The following CLVS1 variants were observed in gnomAD, a reference collection of about 807,000 sequenced individuals.
The protein encoded by CLVS1 is clavesin 1, also known as clavesin-1.
In CLVS1, 10 loss-of-function variants were observed where a neutral mutation model predicts 33.1. That is an observed-to-expected ratio of 0.30 (90% CI 0.19 to 0.51). The LOEUF (loss-of-function observed/expected upper bound fraction) is 0.51. CLVS1 is among the 20% of genes least tolerant of loss of function. CLVS1 has a pLI of 0.97. For missense variants in CLVS1, 343 were observed against 433.4 expected (o/e 0.79, Z 1.85); for synonymous variants, 163 against 166.1 (o/e 0.98, Z 0.14).
chr8:61,435,485 C>T (rs886420832), intron 3 of CLVS1, among the ~76,000 whole-genome samples: 6 of 152,074 alleles, frequency 3.9e-5, no homozygotes, highest in African/African-American at 1.2e-4. Flanking sequence ...ATTCCATAAA[C>T]ATTTGAACTT....
At chr8:61,461,350 T>C (rs1033226114) in intron 5 of CLVS1, among the ~76,000 whole-genome samples, 6 of 152,236 alleles carry the variant, frequency 3.9e-5, no homozygotes, top group Non-Finnish European at 8.8e-5. Context: ...ATTTGATGTT[T>C]GTTCTTGCTT....
chr8:61,068,670 AT>A (rs1804730988), intron 1 of CLVS1, among the ~76,000 whole-genome samples: 1 of 151,992 alleles, frequency 6.6e-6, no homozygotes, highest in South Asian at 2.1e-4. Flanking sequence ...GTCTTCTACA[AT>A]TTACCTACAC....
intron 2 of CLVS1, among the ~76,000 whole-genome samples, chr8:61,347,277 C>G (rs1812254183): frequency 6.6e-6 from 1 of 152,038 alleles, no homozygotes; most frequent in Non-Finnish European, 1.5e-5. Context: ...GGATTGCAAA[C>G]CTGAATTCAG....
chr8:61,464,137 A>G (rs996989914), intron 5 of CLVS1, among the ~76,000 whole-genome samples: 2 of 152,126 alleles, frequency 1.3e-5, no homozygotes, highest in South Asian at 2.1e-4. Flanking sequence ...ACCAAAATGT[A>G]ATACAGAGAC....
the CLVS1 span, among the ~76,000 whole-genome samples, chr8:61,043,903 C>A: frequency 1.3e-5 from 2 of 152,124 alleles, no homozygotes; most frequent in Non-Finnish European, 2.9e-5. Flanking sequence ...AAGTAAGTAA[C>A]AAGTACCTTA....
rs562691852 is a variant in CLVS1 at position 61,325,468 on chromosome 8, G to A, written c.455+25186G>A. Among the ~76,000 whole-genome samples the A allele has an allele frequency of 1.4e-4, 22 of 152,214 alleles. No homozygotes were observed. In the South Asian group the frequency reaches 3.7e-3, roughly 26 times the overall value. On this transcript the variant is annotated intron_variant, in intron 2 of 5. Transcript: ENST00000325897. ...CAGTCTATTTTGTTCCAAGCTATTA[G>A]TGTTTTTATCATTGTGACTCTCTTA...
rs1237212215 is a variant in CLVS1 at position 61,100,895 on chromosome 8, A to G, written c.-242-30875A>G. On this transcript the variant is annotated intron_variant, in intron 1 of 2. Coordinates refer to the CLVS1 transcript ENST00000522621. The stretch of plus-strand genomic sequence containing the variant: ...AAGGTTGATCCATGGTGTAGCATGT[A>G]TCAGTACTTCATTTTTTTTGGTATT... 5.9e-5 allele frequency among the ~76,000 whole-genome samples: 9 copies of G among 152,188 alleles called. No individual in the cohort carries two copies. The East Asian group carries it at 1.7e-3, about 29-fold the overall frequency.
chr8:61,059,933 C>T (rs956882879), intron 1 of CLVS1, among the ~76,000 whole-genome samples: 1 of 152,132 alleles, frequency 6.6e-6, no homozygotes, highest in Non-Finnish European at 1.5e-5. Context: ...TATGCTACTT[C>T]TGCCTTCAGT....
chr8:61,272,265 CT>C (rs1055929577), intron 2 of CLVS1, among the ~76,000 whole-genome samples: 19 of 152,046 alleles, frequency 1.2e-4, no homozygotes, highest in Non-Finnish European at 2.2e-4. Flanking sequence ...CTTAGTTTGG[CT>C]GCATATGAAA....
intron 1 of CLVS1, among the ~76,000 whole-genome samples, chr8:61,061,570 C>A (rs1804584132): frequency 6.6e-6 from 1 of 152,014 alleles, no homozygotes; most frequent in Admixed American, 6.6e-5. Context: ...GTTTCCTGGC[C>A]CACACAGAAA....
chr8:61,397,359 C>T lies in CLVS1; in HGVS notation c.630+20580C>T, dbSNP rs186098087. 3.3e-5 allele frequency among the ~76,000 whole-genome samples: 5 copies of T among 152,144 alleles called. No individual in the cohort carries two copies. In the East Asian group the frequency reaches 9.7e-4, roughly 29 times the overall value. On this transcript the variant is annotated intron_variant, in intron 3 of 5. Coordinates refer to ENST00000325897, the MANE Select transcript of CLVS1 (RefSeq NM_173519.3). The stretch of plus-strand genomic sequence containing the variant: ...CATTTTAATATCTTTTTTGGAGAAT[C>T]ATTTGTTCAAATCTTGTGCCAACTT...
At chr8:61,024,077 C>T in the CLVS1 span, among the ~76,000 whole-genome samples, 2 of 152,166 alleles carry the variant, frequency 1.3e-5, no homozygotes, top group Non-Finnish European at 1.5e-5. Flanking sequence ...TCCTGTTAGA[C>T]GAGGACACTG....
intron 1 of CLVS1, among the ~76,000 whole-genome samples, chr8:61,059,810 C>CA (rs71559323): frequency 0.076 from 10,847 of 142,158 alleles, 480 homozygotes; most frequent in South Asian, 0.21. Flanking sequence ...AACTCCATCT[C>CA]AAAAAAAAAA....
the CLVS1 span, among the ~76,000 whole-genome samples, chr8:61,014,317 G>A: frequency 6.6e-6 from 1 of 152,098 alleles, no homozygotes; most frequent in Non-Finnish European, 1.5e-5. Context: ...TTTCTACTCT[G>A]CACCCCATAC....
At chr8:61,074,107 G>A (rs1233272329) in intron 1 of CLVS1, among the ~76,000 whole-genome samples, 1 of 151,318 alleles carries the variant, frequency 6.6e-6, no homozygotes. Context: ...GGAGGCCAAG[G>A]CGGAAGCATG....
At position 61,109,217 on chromosome 8, in the gene CLVS1, T is replaced by G. The variant is rs186432970; in HGVS notation, c.-242-22553T>G. On this transcript the variant is annotated intron_variant, in intron 1 of 2. Coordinates refer to the CLVS1 transcript ENST00000522621. ...AGTTACTTCTGTGTGCACTTCCTTT[T>G]TTTTTCATTTGCAATGTAAGGAAAA... Among the ~76,000 whole-genome samples, 325 of 152,254 alleles carry G rather than the reference T, an allele frequency of 2.1e-3. 3 individuals carry two copies. The highest frequency in any genetic ancestry group is 6.2e-3 in the African/African-American group (259 of 41,548).
the CLVS1 span, among the ~76,000 whole-genome samples, chr8:60,971,071 C>CTT: frequency 3.1e-3 from 286 of 91,068 alleles, no homozygotes; most frequent in Non-Finnish European, 3.9e-3. Context: ...ATGACTTTTC[C>CTT]TTTTTTTTTT....
At chr8:61,105,293 T>G (rs530180243) in intron 1 of CLVS1, among the ~76,000 whole-genome samples, 44 of 152,216 alleles carry the variant, frequency 2.9e-4, no homozygotes, top group Non-Finnish European at 5.4e-4. Context: ...GGTTATAGCT[T>G]ACACACATAC....
At chr8:61,490,988 G>A (rs2640235) in intron 5 of CLVS1, among the ~76,000 whole-genome samples, 111,762 of 151,414 alleles carry the variant, frequency 0.74, 43,079 homozygotes, top group Non-Finnish European at 0.86. Flanking sequence ...AAAAAAGAAA[G>A]AAAGAAATTA....
Sources: gnomAD v4.1 joint callset for allele counts (sites outside exome capture counted in the v4.1 genomes callset) on GRCh38, gnomAD v4.1.1 for gene constraint, MANE v1.5 for transcripts, NCBI Gene and HGNC (gene_info 2026-07-23, HGNC 2026-07-21) for gene names.